The following SUPT3H variants were observed in gnomAD, a reference collection of about 807,000 sequenced individuals.
SUPT3H encodes the protein transcription initiation protein SPT3 homolog.
SUPT3H carries 44 observed loss-of-function variants against 44.3 expected under a neutral mutation model. That is an observed-to-expected ratio of 0.99 (90% CI 0.78 to 1.28). The LOEUF is 1.28. Ranked by LOEUF, SUPT3H falls within the 50% of genes most tolerant of loss-of-function variation. The pLI is 0.00. For missense variants in SUPT3H, 380 were observed against 387.1 expected (o/e 0.98, Z 0.15); for synonymous variants, 124 against 125.6 (o/e 0.99, Z 0.09).
At chr6:45,169,375 T>C (rs1174665866) in intron 2 of SUPT3H, among the ~76,000 whole-genome samples, 1 of 152,196 alleles carries the variant, frequency 6.6e-6, no homozygotes, top group Non-Finnish European at 1.5e-5. Flanking sequence ...TGAGGAATAT[T>C]AAATTTATAC....
chr6:45,019,987 C>G (rs938842968), intron 4 of SUPT3H, among the ~76,000 whole-genome samples: 2 of 151,814 alleles, frequency 1.3e-5, no homozygotes, highest in African/African-American at 4.8e-5. Context: ...ACACAAATAT[C>G]AGCTTAAATA....
chr6:44,896,166 G>A (rs1351163521), intron 10 of SUPT3H, among the ~76,000 whole-genome samples: 3 of 152,076 alleles, frequency 2.0e-5, no homozygotes, highest in Non-Finnish European at 2.9e-5. Context: ...AGGTAACGAG[G>A]TTTGAAATAA....
At chr6:45,310,605 AC>A (rs1783785042) in intron 2 of SUPT3H, among the ~76,000 whole-genome samples, 1 of 152,028 alleles carries the variant, frequency 6.6e-6, no homozygotes, top group African/African-American at 2.4e-5. Context: ...CATCAGAAGG[AC>A]TGTGCACAGA....
At chr6:45,199,759 GT>G (rs2153624858) in intron 2 of SUPT3H, among the ~76,000 whole-genome samples, 1 of 151,358 alleles carries the variant, frequency 6.6e-6, no homozygotes, top group African/African-American at 2.4e-5. Flanking sequence ...AAAGGAATAT[GT>G]TTCATCTGAC....
intron 6 of SUPT3H, among the ~76,000 whole-genome samples, chr6:44,998,587 G>A (rs941705408): frequency 1.3e-5 from 2 of 151,576 alleles, no homozygotes; most frequent in Admixed American, 1.3e-4. Flanking sequence ...GGTAACAGTG[G>A]GCATTCTAGA....
chr6:45,314,198 G>A (rs973399341), intron 2 of SUPT3H, among the ~76,000 whole-genome samples: 2 of 152,090 alleles, frequency 1.3e-5, no homozygotes, highest in African/African-American at 4.8e-5. Flanking sequence ...ACTGAATGGG[G>A]AAAACTTGAA....
chr6:45,112,443 C>T (rs1051921410), intron 2 of SUPT3H, among the ~76,000 whole-genome samples: 22 of 151,842 alleles, frequency 1.4e-4, no homozygotes, highest in African/African-American at 4.8e-4. Flanking sequence ...CATATTATCA[C>T]GGAATTTTAC....
chr6:45,274,011 A>G (rs1776628501), intron 2 of SUPT3H, among the ~76,000 whole-genome samples: 1 of 152,200 alleles, frequency 6.6e-6, no homozygotes, highest in African/African-American at 2.4e-5. Flanking sequence ...GTGGGTGTGA[A>G]GTAGTCATCA....
chr6:45,128,549 TATATATATACACAC>T (rs1275919664), intron 2 of SUPT3H, among the ~76,000 whole-genome samples: 147 of 65,996 alleles, frequency 2.2e-3, no homozygotes, highest in Admixed American at 3.1e-3. Flanking sequence ...TATATATATA[TATATATATACACAC>T]ACACACACAC....
chr6:44,963,817 G>A (rs1453940383), intron 6 of SUPT3H, among the ~76,000 whole-genome samples: 4 of 152,100 alleles, frequency 2.6e-5, no homozygotes, highest in African/African-American at 7.2e-5. Flanking sequence ...GGCTAACACG[G>A]TGAAACCCCA....
chr6:45,067,862 G>T (rs1198953865), intron 3 of SUPT3H, among the ~76,000 whole-genome samples: 1 of 147,006 alleles, frequency 6.8e-6, no homozygotes, highest in Non-Finnish European at 1.5e-5. Context: ...TACACTGTTG[G>T]TGGGACTGTA....
At chr6:44,946,242 C>CA (rs1425376515) in intron 9 of SUPT3H, among the ~76,000 whole-genome samples, 2 of 152,124 alleles carry the variant, frequency 1.3e-5, no homozygotes, top group African/African-American at 4.8e-5. Context: ...TGGAGAAGTA[C>CA]AAAAAGATGA....
intron 2 of SUPT3H, among the ~76,000 whole-genome samples, chr6:45,349,980 T>C (rs1246603280): frequency 6.6e-6 from 1 of 152,122 alleles, no homozygotes; most frequent in Non-Finnish European, 1.5e-5. Flanking sequence ...GTTTTATTAG[T>C]CACAGGAAAA....
intron 2 of SUPT3H, chr6:45,197,745 T>C: frequency 4.9e-6 from 1 of 203,204 alleles, no homozygotes; most frequent in South Asian, 8.6e-5. Flanking sequence ...GACCTAAAAA[T>C]ACAATGCATA....
intron 5 of SUPT3H, among the ~76,000 whole-genome samples, chr6:45,010,109 AT>A (rs1783263558): frequency 6.6e-6 from 1 of 152,170 alleles, no homozygotes; most frequent in African/African-American, 2.4e-5. Context: ...TGTAAATGGC[AT>A]TGTTTTCTTA....
Position 45,001,008 on chromosome 6 carries a change from C to T in SUPT3H, c.504+2645G>A, listed in dbSNP as rs116556497. 2.6e-3 allele frequency among the ~76,000 whole-genome samples: 391 copies of T among 152,184 alleles called. 3 individuals carry two copies. The highest frequency in any genetic ancestry group is 8.6e-3 in the African/African-American group (357 of 41,544). The stretch of plus-strand genomic sequence containing the variant: ...TCAGGTTCCTCTACAAGCAGCAAAG[C>T]AGGTTCTTAGGCACAGCTCTTCTGT... On this transcript the variant is annotated intron_variant, in intron 6 of 10. Transcript: ENST00000371459.
Position 45,017,447 on chromosome 6 carries a change from T to G in SUPT3H, c.274-2556A>C, listed in dbSNP as rs936333244. Reference sequence around the variant, plus strand: ...TGCCTATGTCCTGAATGGTAATGCCTAGGTTTTCTTCCAGGGTTTTTATGG... The same window carrying G: ...TGCCTATGTCCTGAATGGTAATGCCGAGGTTTTCTTCCAGGGTTTTTATGG... On this transcript the variant is annotated intron_variant, in intron 4 of 10. Transcript: ENST00000371459. Among the ~76,000 whole-genome samples the G allele has an allele frequency of 2.3e-3, 341 of 148,792 alleles. 1 individual carries two copies. Among genetic ancestry groups the G allele is most frequent in the South Asian group, 0.01 (43 of 4,268 alleles).
intron 2 of SUPT3H, chr6:45,328,392 A>G: frequency 2.1e-6 from 3 of 1,405,812 alleles, no homozygotes; most frequent in Non-Finnish European, 2.9e-6. Flanking sequence ...GGAGGACAGC[A>G]AGAAGTCTCT....
intron 10 of SUPT3H, among the ~76,000 whole-genome samples, chr6:44,860,339 C>G (rs1774444435): frequency 6.6e-6 from 1 of 152,160 alleles, no homozygotes; most frequent in Admixed American, 6.5e-5. Flanking sequence ...ATTCAGACCA[C>G]CAAAAATGAG....
Sources: allele counts gnomAD v4.1 joint callset (sites outside exome capture counted in the v4.1 genomes callset), GRCh38; gene constraint gnomAD v4.1.1; transcripts MANE v1.5; gene names NCBI Gene and HGNC (gene_info 2026-07-23, HGNC 2026-07-21).